SLC22A16: variants seen among roughly 807,000 people sequenced by gnomAD.
SLC22A16 encodes WUGSC:RG331P03.1.
SLC22A16 carries 53 observed loss-of-function variants against 52.9 expected under a neutral mutation model. The ratio of observed to expected loss-of-function variants is 1.00; its 90% CI spans 0.80 to 1.26. The LOEUF is 1.26. Ranked by LOEUF, SLC22A16 falls within the 50% of genes most tolerant of loss-of-function variation. The probability of loss-of-function intolerance (pLI) is 0.00; values close to 1 mark genes in which losing one functional copy is unlikely to be tolerated. For synonymous variants in SLC22A16, 291 were observed against 268.8 expected (o/e 1.08, Z -0.81); for missense variants, 726 against 704.0 (o/e 1.03, Z -0.35).
At chr6:110,471,779 C>A (rs1449231518) in intron 1 of SLC22A16, among the ~76,000 whole-genome samples, 3 of 152,160 alleles carry the variant, frequency 2.0e-5, no homozygotes, top group Non-Finnish European at 4.4e-5. Context: ...TATGACAACT[C>A]ATCAGGCTGT....
intron 5 of SLC22A16, among the ~76,000 whole-genome samples, chr6:110,436,922 G>A (rs1197917218): frequency 1.3e-5 from 2 of 152,054 alleles, no homozygotes; most frequent in African/African-American, 4.8e-5. Flanking sequence ...TGGATGCTGA[G>A]ACCCAGGGTG....
chr6:110,476,209 GATCTCC>G lies in SLC22A16; in HGVS notation c.53+307_53+312del. 12 of 712,704 alleles carry G rather than the reference GATCTCC, an allele frequency of 1.7e-5. 1 individual carries two copies. The highest frequency in any genetic ancestry group is 3.5e-5 in the Admixed American group (1 of 28,586). 44.1% of individuals were successfully genotyped at this position (712,704 alleles called of 1,614,324 possible). ...GAGTGAGATCTGGCCCCTCGAGCCA[GATCTCC>G]AGCCAGATGCCTCCAGCATCTGCTG... On this transcript the variant is annotated intron_variant, in intron 1 of 7. Transcript: ENST00000368919.
At chr6:110,450,735 T>A (rs1440016565) in intron 2 of SLC22A16, among the ~76,000 whole-genome samples, 1 of 152,110 alleles carries the variant, frequency 6.6e-6, no homozygotes, top group Non-Finnish European at 1.5e-5. Context: ...TTGCTTTTTT[T>A]ATTATAATAT....
chr6:110,471,008 G>T (rs570348675), intron 1 of SLC22A16, among the ~76,000 whole-genome samples: 1 of 152,128 alleles, frequency 6.6e-6, no homozygotes, highest in Non-Finnish European at 1.5e-5. Context: ...AAACTCTCTG[G>T]CAGGGGACCA....
Position 110,425,095 on chromosome 6 carries a change from A to C in SLC22A16, c.1522-10T>G, listed in dbSNP as rs1279301090. Reference sequence around the variant, plus strand: ...TAGTCCCAACAAACAACTAGAAGGAATTAAAAATAATGATAAGTGACACAT... The same window carrying C: ...TAGTCCCAACAAACAACTAGAAGGACTTAAAAATAATGATAAGTGACACAT... On this transcript the variant is annotated splice_polypyrimidine_tract_variant and intron_variant, in intron 7 of 7. Coordinates refer to ENST00000368919, the MANE Select transcript of SLC22A16 (RefSeq NM_033125.4). The C allele has an allele frequency of 2.5e-6, 4 of 1,613,416 alleles. No homozygotes were observed. The South Asian group carries it at 4.4e-5, about 18-fold the overall frequency.
chr6:110,452,940 C>T (rs982250890), intron 2 of SLC22A16, among the ~76,000 whole-genome samples: 4 of 152,106 alleles, frequency 2.6e-5, no homozygotes, highest in Non-Finnish European at 5.9e-5. Context: ...TTTCTCTTTT[C>T]AGCCTCCATA....
chr6:110,438,647 C>A, intron 5 of SLC22A16, 73 bp downstream of exon 5: 1 of 1,500,100 alleles, frequency 6.7e-7, no homozygotes, highest in Non-Finnish European at 9.0e-7. Context: ...TCATACTTAA[C>A]TGTAATAAGC....
Position 110,456,781 on chromosome 6 carries a change from T to G in SLC22A16, c.290A>C (p.Glu97Ala). Residue 97 changes from glutamate (E) to alanine (A), a missense_variant, in exon 2 of 8, where the codon GAG (glutamate) becomes GCG (alanine). By Grantham distance (107) the Glu-to-Ala change is moderately radical (BLOSUM62 -1). Transcript: ENST00000368919. ...TVQLQNGEIWELSRCSRNKRE... is the reference protein window; with the variant it reads ...TVQLQNGEIWALSRCSRNKRE... ...CTTATTCCTGCTACACCTTGAGAGC[T>G]CCCAGATCTCACCATTCTGCAACTG... 1 of 1,614,170 alleles carries G rather than the reference T, an allele frequency of 6.2e-7. No homozygotes were observed.
At chr6:110,429,612 A>G (rs1204622549) in intron 7 of SLC22A16, among the ~76,000 whole-genome samples, 1 of 152,192 alleles carries the variant, frequency 6.6e-6, no homozygotes, top group East Asian at 1.9e-4. Context: ...AAGCTGAGGG[A>G]AACACTTGGC....
chr6:110,431,183 G>T lies in SLC22A16; in HGVS notation c.1509C>A (p.Ile503=). ...AACTGAAGCACACCTGTGGTATGAA[G>T]ATCCAAATGCTGCTGAGGTCCACAG... The part of the protein sequence containing the change: ...PFSVDLSSIW[I]FIPQLFVGTM... The change falls in exon 7 of 8, where the codon ATC becomes ATA. Residue 503 remains isoleucine, a synonymous_variant. Transcript: ENST00000368919. 2.5e-6 allele frequency: 4 copies of T among 1,613,904 alleles called. No individual in the cohort carries two copies. The East Asian group carries it at 8.9e-5, about 36-fold the overall frequency.
chr6:110,452,425 T>G (rs1320035615), intron 2 of SLC22A16, among the ~76,000 whole-genome samples: 1 of 152,198 alleles, frequency 6.6e-6, no homozygotes, highest in Non-Finnish European at 1.5e-5. Context: ...CTTCTACCTC[T>G]TTCTCTCTCT....
At chr6:110,453,793 T>A in intron 2 of SLC22A16, 1 of 438,702 alleles carries the variant, frequency 2.3e-6, no homozygotes, top group Non-Finnish European at 4.6e-6. Context: ...AGAAAAGAGG[T>A]TTATTTAGCT....
At chr6:110,432,289 T>C (rs992589117) in intron 6 of SLC22A16, among the ~76,000 whole-genome samples, 6 of 152,196 alleles carry the variant, frequency 3.9e-5, no homozygotes, top group African/African-American at 1.4e-4. Context: ...GTATTAAATA[T>C]TTACATATTG....
intron 2 of SLC22A16, 107 bp downstream of exon 2, chr6:110,456,431 G>A (rs1490404723): frequency 3.8e-6 from 5 of 1,329,604 alleles, no homozygotes; most frequent in African/African-American, 1.5e-5. Flanking sequence ...ATTTAGATAG[G>A]AAGTATAAAA....
chr6:110,470,947 A>G (rs75680480), intron 1 of SLC22A16, among the ~76,000 whole-genome samples: 5,808 of 152,244 alleles, frequency 0.038, 374 homozygotes, highest in African/African-American at 0.13. Context: ...GGAGCAACTG[A>G]AAAACCAATA....
At chr6:110,428,430 T>C (rs1176132520) in intron 7 of SLC22A16, among the ~76,000 whole-genome samples, 4 of 152,178 alleles carry the variant, frequency 2.6e-5, no homozygotes, top group Admixed American at 6.5e-5. Context: ...TTTGTATAGA[T>C]TGTTTGTTGG....
intron 1 of SLC22A16, among the ~76,000 whole-genome samples, chr6:110,460,555 T>C (rs1343204958): frequency 6.6e-6 from 1 of 152,200 alleles, no homozygotes; most frequent in African/African-American, 2.4e-5. Context: ...CCCTCTGCCT[T>C]CGTGACCCTG....
chr6:110,435,892 T>C lies in SLC22A16; in HGVS notation c.1381A>G (p.Ile461Val), dbSNP rs749671178. Residue 461 changes from isoleucine to valine, a missense_variant, in exon 6 of 8, where the codon ATT (isoleucine) becomes GTT (valine). Coordinates refer to ENST00000368919, the MANE Select transcript of SLC22A16 (RefSeq NM_033125.4). The stretch of plus-strand genomic sequence containing the variant: ...TACAGCTCAGCTGTATAAAGATAAA[T>C]GAGGCCAAATGCTGCCCCGATGGCA... ...KFAIGAAFGL[I>V]YLYTAELYPT... 3 of 1,613,910 alleles carry C rather than the reference T, an allele frequency of 1.9e-6. No homozygotes were observed. The highest frequency in any genetic ancestry group is 2.2e-5 in the South Asian group (2 of 91,016).
At chr6:110,458,525 CATAAA>C (rs2114996434) in intron 1 of SLC22A16, among the ~76,000 whole-genome samples, 1 of 152,298 alleles carries the variant, frequency 6.6e-6, no homozygotes, top group African/African-American at 2.4e-5. Context: ...TATCCCAAAG[CATAAA>C]ATAAATATAC....
Sources: gnomAD v4.1 joint callset for allele counts (sites outside exome capture counted in the v4.1 genomes callset) on GRCh38, gnomAD v4.1.1 for gene constraint, MANE v1.5 for transcripts, NCBI Gene and HGNC (gene_info 2026-07-23, HGNC 2026-07-21) for gene names.